Variants in CWC25 observed in about 807,000 individuals in gnomAD.
The protein encoded by CWC25 is CWC25 spliceosome associated protein.
In CWC25, 31 loss-of-function variants were observed where a neutral mutation model predicts 54.6. That is an observed-to-expected ratio of 0.57 (90% CI 0.43 to 0.77). The LOEUF is 0.77. CWC25 is among the 30% of genes least tolerant of loss of function. The pLI, the probability that CWC25 is intolerant of heterozygous loss-of-function variation, is 0.00. For synonymous variants in CWC25, 151 were observed against 187.0 expected, an observed-to-expected ratio of 0.81 and a Z score of 1.57; for missense variants, 453 against 529.3, an observed-to-expected ratio of 0.86 and a Z score of 1.41.
chr17:38,815,632 A>G (rs1415021835), intron 2 of CWC25: 5 of 1,275,322 alleles, frequency 3.9e-6, no homozygotes, highest in African/African-American at 1.5e-5. Context: ...CACATAAAGC[A>G]ATTTATAAGG....
At chr17:38,803,110 T>C (rs1343305823) in intron 8 of CWC25, among the ~76,000 whole-genome samples, 1 of 152,002 alleles carries the variant, frequency 6.6e-6, no homozygotes, top group Non-Finnish European at 1.5e-5. Context: ...ATATGAAATA[T>C]GAAATAAATT....
chr17:38,820,886 C>A lies in CWC25; in HGVS notation c.191+15G>T, dbSNP rs765298385. The A allele has an allele frequency of 6.2e-7, 1 of 1,606,154 alleles. No individual in the cohort carries two copies. The highest frequency in any genetic ancestry group is 8.5e-7 in the Non-Finnish European group (1 of 1,175,944). On this transcript the variant is annotated intron_variant, in intron 2 of 9. Coordinates refer to ENST00000614790, the MANE Select transcript of CWC25 (RefSeq NM_017748.5). Reference sequence around the variant, plus strand: ...AATTCCCTACACACAAGCGCACCCCCAGCTCCTCACTTACTTGACGGCCCC... The same window carrying A: ...AATTCCCTACACACAAGCGCACCCCAAGCTCCTCACTTACTTGACGGCCCC...
rs1334633125 is a variant in CWC25 at position 38,812,448 on chromosome 17, A to C, written c.498+347T>G. ...AAAATAACCAACCTGACCAATATGA[A>C]TAAACCCCGTCTCTACTAAAAATAC... On this transcript the variant is annotated intron_variant, in intron 4 of 9. Transcript: ENST00000614790. Among the ~76,000 whole-genome samples, 5 of 152,268 alleles carry C rather than the reference A, an allele frequency of 3.3e-5. No homozygotes were observed. The South Asian group carries it at 8.3e-4, about 25-fold the overall frequency.
rs1911233047 is a variant in CWC25, at chr17:38,806,301, T to A, written c.997A>T (p.Thr333Ser). Reference protein sequence around the residue: ...VYQRRHAPGYTRKLSAEELER... With the variant: ...VYQRRHAPGYSRKLSAEELER... ...TCAACTGGGCTCCTGACTCACCTGG[T>A]GTATCCGGGAGCATGTCGCCTTTGG... is the stretch of plus-strand genomic sequence containing the variant. Residue 333 changes from threonine (T) to serine (S), a missense_variant, in exon 8 of 10, where the codon ACC (threonine) becomes TCC (serine). Around this residue, in one of 2 missense-constraint regions of CWC25, gnomAD observed 444 missense variants for 499.2 expected, o/e 0.89. Transcript: ENST00000614790. 4.3e-6 allele frequency: 7 copies of A among 1,610,306 alleles called. No individual in the cohort carries two copies. Among genetic ancestry groups the A allele is most frequent in the Non-Finnish European group, 5.1e-6 (6 of 1,178,288 alleles).
chr17:38,815,291 C>A lies in CWC25; in HGVS notation c.192-194G>T, dbSNP rs1013739609. 4.6e-5 allele frequency among the ~76,000 whole-genome samples: 7 copies of A among 152,192 alleles called. No individual in the cohort carries two copies. The East Asian group carries it at 1.2e-3, about 25-fold the overall frequency. ...ATAGTGCGGGTTGCGTGCAGTGGCTCATGCCTGTAATCCCACCATTTTGGG... is the reference window on the plus strand; with the variant it reads ...ATAGTGCGGGTTGCGTGCAGTGGCTAATGCCTGTAATCCCACCATTTTGGG... On this transcript the variant is annotated intron_variant, in intron 2 of 9. Coordinates refer to ENST00000614790, the MANE Select transcript of CWC25 (RefSeq NM_017748.5).
At position 38,818,364 on chromosome 17, in the gene CWC25, C is replaced by T. The variant is rs190937868; in HGVS notation, c.191+2537G>A. On this transcript the variant is annotated intron_variant, in intron 2 of 9. Transcript: ENST00000614790. Reference sequence around the variant, plus strand: ...ATCCCAACACTTTGGGAGGCCGAGGCGGGCGGATCATGAGGTCAAAGATCG... The same window carrying T: ...ATCCCAACACTTTGGGAGGCCGAGGTGGGCGGATCATGAGGTCAAAGATCG... 5.9e-5 allele frequency among the ~76,000 whole-genome samples: 9 copies of T among 151,792 alleles called. 1 individual carries two copies. The highest frequency in any genetic ancestry group is 4.6e-4 in the Admixed American group (7 of 15,174).
intron 1 of CWC25, among the ~76,000 whole-genome samples, chr17:38,821,777 C>T (rs1189324028): frequency 1.4e-5 from 2 of 138,614 alleles, no homozygotes; most frequent in African/African-American, 3.1e-5. Context: ...AGTGGACATT[C>T]ATTCTTTTTT....
At chr17:38,822,038 G>A (rs188248100) in intron 1 of CWC25, among the ~76,000 whole-genome samples, 167 of 152,120 alleles carry the variant, frequency 1.1e-3, no homozygotes, top group Non-Finnish European at 1.6e-3. Context: ...AAACTGCTGG[G>A]ATTACAGGGG....
chr17:38,822,391 A>G (rs1485393755), intron 1 of CWC25, among the ~76,000 whole-genome samples: 2 of 151,854 alleles, frequency 1.3e-5, no homozygotes, highest in African/African-American at 2.4e-5. Context: ...AACTCAACCT[A>G]CCTTAGCTTG....
In CWC25 at chr17:38,806,781, G is replaced by A. The variant is rs182653848; in HGVS notation, c.886C>T (p.Pro296Ser). 2.1e-5 allele frequency: 34 copies of A among 1,598,036 alleles called. No homozygotes were observed. The East Asian group carries it at 7.4e-4, about 35-fold the overall frequency. Reference protein sequence around the residue: ...SRSLGRRSRSPRPSKLHNSKV... With the variant: ...SRSLGRRSRSSRPSKLHNSKV... ...CACACTCACAGTTTGCTGGGTCTTGGGGACCGTGACCTTCTGCCCAGGGAT... is the reference window on the plus strand; with the variant it reads ...CACACTCACAGTTTGCTGGGTCTTGAGGACCGTGACCTTCTGCCCAGGGAT... The change falls in exon 7 of 10, where the codon CCA (proline) becomes TCA (serine). Residue 296 changes from proline to serine, a missense_variant. Pro to Ser is a moderately conservative substitution (Grantham distance 74, BLOSUM62 -1). Coordinates refer to ENST00000614790, the MANE Select transcript of CWC25 (RefSeq NM_017748.5).
intron 3 of CWC25, among the ~76,000 whole-genome samples, chr17:38,813,833 C>T (rs141072510): frequency 2.0e-5 from 3 of 151,842 alleles, no homozygotes; most frequent in Non-Finnish European, 2.9e-5. Flanking sequence ...TGTGATCCAC[C>T]GTACCCGGCT....
In CWC25 at chr17:38,810,539, C is replaced by T. The variant is rs1173319536; in HGVS notation, c.555G>A (p.Lys185=). The change falls in exon 5 of 10, where the codon AAG becomes AAA. Residue 185 remains lysine (K), a synonymous_variant. Coordinates refer to ENST00000614790, the MANE Select transcript of CWC25 (RefSeq NM_017748.5). The part of the protein sequence containing the change: ...EKKKKKEKKK[K]HKKHKHRSSS... ...AGCTTCTGTGCTTATGTTTCTTGTG[C>T]TTCTTTTTCTTCTCCTTCTTTTTCT... The T allele has an allele frequency of 6.3e-7, 1 of 1,594,014 alleles. No individual in the cohort carries two copies. The highest frequency in any genetic ancestry group is 2.3e-5 in the East Asian group (1 of 44,408).
In CWC25 at chr17:38,815,239, G is replaced by A. The variant is rs114615971; in HGVS notation, c.192-142C>T. On this transcript the variant is annotated intron_variant, in intron 2 of 9. Transcript: ENST00000614790. ...CTGGCACCTACCATGCAATAAACAC[G>A]GCACCCCATGTGGCCGGCATAAAGA... 2.7e-3 allele frequency: 1,921 copies of A among 723,058 alleles called. 33 individuals are homozygous for A. The African/African-American group carries it at 0.031, about 12-fold the overall frequency. The allele number at this position is 723,058 out of a possible 1,614,324, so 44.8% of individuals were successfully genotyped here. A position where few individuals can be genotyped will look rare whatever the true frequency, so the allele number is the denominator to read the frequency against.
At chr17:38,809,660 A>G (rs1911404990) in intron 6 of CWC25, 42 bp downstream of exon 6, 1 of 1,585,532 alleles carries the variant, frequency 6.3e-7, no homozygotes, top group Non-Finnish European at 8.6e-7. Flanking sequence ...GGCACATCCC[A>G]CAGTCCCACA....
In CWC25 at chr17:38,825,260, C is replaced by A; in HGVS notation, c.-77G>T. Reference sequence around the variant, plus strand: ...CAAGAGAAAACGTAGAGAAATAGTTCGGGGGCTACCTCGCGGGATCTAGTC... The same window carrying A: ...CAAGAGAAAACGTAGAGAAATAGTTAGGGGGCTACCTCGCGGGATCTAGTC... On this transcript the variant is annotated 5_prime_UTR_variant, in exon 1 of 10. Transcript: ENST00000614790. 1 of 1,469,182 alleles carries A rather than the reference C, an allele frequency of 6.8e-7. No homozygotes were observed. The highest frequency in any genetic ancestry group is 9.2e-7 in the Non-Finnish European group (1 of 1,084,860). The allele number at this position is 1,469,182 out of a possible 1,614,324, so 91.0% of individuals were successfully genotyped here. A position where few individuals can be genotyped will look rare whatever the true frequency, so the allele number is the denominator to read the frequency against.
At chr17:38,823,426 G>C (rs570643146) in intron 1 of CWC25, among the ~76,000 whole-genome samples, 18 of 151,236 alleles carry the variant, frequency 1.2e-4, no homozygotes, top group African/African-American at 3.6e-4. Context: ...CAAAGTGCTG[G>C]GATTACAGGC....
chr17:38,806,657 G>T, intron 7 of CWC25, 108 bp downstream of exon 7: 1 of 1,020,512 alleles, frequency 9.8e-7, no homozygotes, highest in Non-Finnish European at 1.4e-6. Flanking sequence ...CCAAAGCAAA[G>T]ACATTTGGGA....
rs1427317700 is a variant in CWC25 at position 38,815,770 on chromosome 17, T to A, written c.192-673A>T. 9.9e-6 allele frequency: 9 copies of A among 906,126 alleles called. No individual in the cohort carries two copies. The South Asian group carries it at 1.4e-4, about 14-fold the overall frequency. 56.1% of individuals were successfully genotyped at this position (906,126 alleles called of 1,614,324 possible). On this transcript the variant is annotated intron_variant, in intron 2 of 9. Transcript: ENST00000614790. ...AAACAATGAATAAGCACATTCTACA[T>A]CACCATCTTACCATCAAGAACAATT...
intron 3 of CWC25, 44 bp from the exon 4 acceptor site, chr17:38,812,908 C>A: frequency 8.9e-7 from 1 of 1,124,936 alleles, no homozygotes; most frequent in Non-Finnish European, 1.3e-6. Context: ...TTCTTTTCTC[C>A]AAATTCTATG....
Sources: gnomAD v4.1 joint callset for allele counts (sites outside exome capture counted in the v4.1 genomes callset) on GRCh38, gnomAD v4.1.1 for gene constraint, gnomAD v4.1.1 regional missense constraint, MANE v1.5 for transcripts, NCBI Gene and HGNC (gene_info 2026-07-23, HGNC 2026-07-21) for gene names.